SGCZ: variants seen among roughly 807,000 people sequenced by gnomAD.
SGCZ encodes zeta-sarcoglycan.
In SGCZ, 40 loss-of-function variants were observed where a neutral mutation model predicts 41.3. The ratio of observed to expected loss-of-function variants is 0.97; its 90% CI spans 0.75 to 1.26. The LOEUF is 1.26. Ranked by LOEUF, SGCZ falls within the 50% of genes most tolerant of loss-of-function variation. The probability of loss-of-function intolerance (pLI) is 0.00; values close to 1 mark genes in which losing one functional copy is unlikely to be tolerated. For synonymous variants in SGCZ, 206 were observed against 137.5 expected (o/e 1.50, Z -3.49); for missense variants, 552 against 369.8 (o/e 1.49, Z -4.04).
At chr8:15,000,201 C>G (rs1267497471) in intron 1 of SGCZ, among the ~76,000 whole-genome samples, 1 of 152,216 alleles carries the variant, frequency 6.6e-6, no homozygotes, top group East Asian at 1.9e-4. Context: ...CTGTAGGAAA[C>G]CAACCCTGCC....
At chr8:14,227,555 A>C (rs1806414655) in intron 4 of SGCZ, among the ~76,000 whole-genome samples, 1 of 152,110 alleles carries the variant, frequency 6.6e-6, no homozygotes, top group South Asian at 2.1e-4. Flanking sequence ...AAATATCTAG[A>C]AATAATATTG....
At chr8:15,140,540 A>G (rs1425127385) in intron 1 of SGCZ, among the ~76,000 whole-genome samples, 1 of 152,200 alleles carries the variant, frequency 6.6e-6, no homozygotes, top group African/African-American at 2.4e-5. Context: ...AATTCAACAA[A>G]TATCAGCTGC....
intron 1 of SGCZ, among the ~76,000 whole-genome samples, chr8:15,014,331 C>A (rs1015336648): frequency 2.0e-5 from 3 of 152,182 alleles, no homozygotes; most frequent in East Asian, 1.9e-4. Flanking sequence ...ATGCCAGGGG[C>A]TGTTCACAGT....
chr8:15,118,647 A>G (rs796522018), intron 1 of SGCZ, among the ~76,000 whole-genome samples: 12 of 152,280 alleles, frequency 7.9e-5, no homozygotes, highest in African/African-American at 2.9e-4. Flanking sequence ...TCAATCAAAA[A>G]TAAGGTTGAG....
intron 1 of SGCZ, among the ~76,000 whole-genome samples, chr8:14,884,318 G>C (rs1396066478): frequency 6.6e-6 from 1 of 152,046 alleles, no homozygotes; most frequent in Non-Finnish European, 1.5e-5. Context: ...TATATAATAA[G>C]TTTTACAATG....
At chr8:14,376,474 G>C (rs1352395257) in intron 2 of SGCZ, among the ~76,000 whole-genome samples, 1 of 152,096 alleles carries the variant, frequency 6.6e-6, no homozygotes, top group African/African-American at 2.4e-5. Context: ...GGGAAACACA[G>C]TTCATGAAAT....
At chr8:14,215,579 A>G (rs1427500988) in intron 4 of SGCZ, among the ~76,000 whole-genome samples, 1 of 152,088 alleles carries the variant, frequency 6.6e-6, no homozygotes, top group Non-Finnish European at 1.5e-5. Flanking sequence ...TGTTTGAAAA[A>G]AATTTAAGCC....
At chr8:14,526,570 A>G (rs1409156642) in intron 2 of SGCZ, among the ~76,000 whole-genome samples, 3 of 152,176 alleles carry the variant, frequency 2.0e-5, no homozygotes, top group Non-Finnish European at 4.4e-5. Context: ...TACACAATTG[A>G]TAGGAAATTA....
chr8:14,943,379 T>A (rs1161440607), intron 1 of SGCZ, among the ~76,000 whole-genome samples: 1 of 152,192 alleles, frequency 6.6e-6, no homozygotes, highest in Non-Finnish European at 1.5e-5. Flanking sequence ...AGGCACTAAG[T>A]ACCTTGTATT....
At chr8:14,975,509 G>C (rs899715388) in intron 1 of SGCZ, among the ~76,000 whole-genome samples, 2 of 152,016 alleles carry the variant, frequency 1.3e-5, no homozygotes, top group African/African-American at 4.8e-5. Flanking sequence ...TAAATGAGGA[G>C]AGCTGACCCA....
chr8:14,162,744 C>CA (rs1804084999), intron 5 of SGCZ: 1 of 152,330 alleles, frequency 6.6e-6, no homozygotes, highest in Non-Finnish European at 1.5e-5. Context: ...AACTTGCTCC[C>CA]AAGGGACAGG....
At chr8:15,080,000 T>A (rs1172268380) in intron 1 of SGCZ, among the ~76,000 whole-genome samples, 2 of 152,302 alleles carry the variant, frequency 1.3e-5, no homozygotes, top group East Asian at 3.9e-4. Context: ...TCATTTCTGT[T>A]CCATTTCTTC....
chr8:14,992,342 C>A (rs966717508), intron 1 of SGCZ, among the ~76,000 whole-genome samples: 219 of 146,504 alleles, frequency 1.5e-3, no homozygotes, highest in African/African-American at 5.0e-3. Flanking sequence ...CTCATCCAAT[C>A]TACTCCCAAA....
At chr8:14,707,841 T>A (rs1447753958) in intron 1 of SGCZ, among the ~76,000 whole-genome samples, 1 of 152,152 alleles carries the variant, frequency 6.6e-6, no homozygotes, top group African/African-American at 2.4e-5. Context: ...ACAATTGAGT[T>A]TAACTTCAGT....
intron 1 of SGCZ, among the ~76,000 whole-genome samples, chr8:14,950,408 C>T (rs568698269): frequency 1.3e-5 from 2 of 151,764 alleles, no homozygotes; most frequent in Non-Finnish European, 2.9e-5. Context: ...TCAGTCTTCT[C>T]CCCTCTCTCC....
intron 2 of SGCZ, among the ~76,000 whole-genome samples, chr8:14,500,943 A>G (rs139422972): frequency 1.3e-3 from 194 of 152,046 alleles, no homozygotes; most frequent in African/African-American, 4.2e-3. Context: ...GTATTAGTTT[A>G]TCATTGCTGG....
intron 1 of SGCZ, among the ~76,000 whole-genome samples, chr8:15,157,739 C>T (rs148070678): frequency 3.3e-5 from 5 of 152,310 alleles, no homozygotes; most frequent in Non-Finnish European, 7.3e-5. Flanking sequence ...CTTTACAGTA[C>T]TAGATCATTG....
intron 1 of SGCZ, among the ~76,000 whole-genome samples, chr8:14,993,318 T>A (rs1371333179): frequency 1.3e-5 from 2 of 152,152 alleles, no homozygotes; most frequent in East Asian, 3.9e-4. Flanking sequence ...ATTCAACAAA[T>A]ATTTATTAAG....
intron 2 of SGCZ, among the ~76,000 whole-genome samples, chr8:14,427,449 G>C (rs1249552057): frequency 1.3e-5 from 2 of 152,116 alleles, no homozygotes; most frequent in East Asian, 3.8e-4. Context: ...ATACCACAGA[G>C]ACCCAAAGAT....
Sources: gnomAD v4.1 joint callset for allele counts (sites outside exome capture counted in the v4.1 genomes callset) on GRCh38, gnomAD v4.1.1 for gene constraint, MANE v1.5 for transcripts, NCBI Gene and HGNC (gene_info 2026-07-23, HGNC 2026-07-21) for gene names.